The following CCDC201 variants were observed in gnomAD, a reference collection of about 807,000 sequenced individuals.
CCDC201 encodes coiled-coil domain-containing protein 201.
chr7:45,869,021 T>C lies in CCDC201; in HGVS notation c.19-2527A>G, dbSNP rs144354781. ...AACTTAGGTATCTGCATAAATGGAA[T>C]CATAATACACATTGTTACATAGTTT... On this transcript the variant is annotated intron_variant, in intron 1 of 2. Coordinates refer to ENST00000636578, the Ensembl canonical transcript of CCDC201. Among the ~76,000 whole-genome samples, 743 of 152,358 alleles carry C rather than the reference T, an allele frequency of 4.9e-3. 14 individuals are homozygous for C. The highest frequency in any genetic ancestry group is 0.017 in the African/African-American group (688 of 41,588).
chr7:45,876,720 G>A (rs1786813030), upstream of CCDC201, among the ~76,000 whole-genome samples: 1 of 152,230 alleles, frequency 6.6e-6, no homozygotes, highest in Admixed American at 6.5e-5. Flanking sequence ...GTGTTAGCCT[G>A]GCACTGGGTG....
At chr7:45,873,267 C>T (rs1016428735), upstream of CCDC201, among the ~76,000 whole-genome samples, 9 of 139,546 alleles carry the variant, frequency 6.4e-5, no homozygotes, top group East Asian at 1.3e-3. Flanking sequence ...TGGGCACTTG[C>T]GCCCCACCCC....
intron 1 of CCDC201, among the ~76,000 whole-genome samples, chr7:45,868,281 C>T (rs1786701710): frequency 1.3e-5 from 2 of 152,100 alleles, no homozygotes; most frequent in Non-Finnish European, 2.9e-5. Context: ...AGTTGAGTGT[C>T]CTCCAGATAC....
chr7:45,872,489 G>A (rs1333386418), intron 1 of CCDC201, among the ~76,000 whole-genome samples: 1 of 152,196 alleles, frequency 6.6e-6, no homozygotes. Context: ...TTCCCTAAGG[G>A]CTGTGGCTAA....
At chr7:45,877,139 G>A (rs1786820554), upstream of CCDC201, among the ~76,000 whole-genome samples, 1 of 152,208 alleles carries the variant, frequency 6.6e-6, no homozygotes, top group Non-Finnish European at 1.5e-5. Flanking sequence ...CCTCAAGACA[G>A]TGTGTGGCAT....
At chr7:45,877,327 G>A (rs114521810), upstream of CCDC201, among the ~76,000 whole-genome samples, 606 of 152,274 alleles carry the variant, frequency 4.0e-3, 5 homozygotes, top group African/African-American at 0.014. Flanking sequence ...CAACCAGTGT[G>A]CTCTAGGTTT....
intron 1 of CCDC201, among the ~76,000 whole-genome samples, chr7:45,867,348 C>T (rs558540048): frequency 6.6e-6 from 1 of 152,258 alleles, no homozygotes; most frequent in African/African-American, 2.4e-5. Context: ...TATGTTTAAT[C>T]CCACTTGAAT....
Position 45,864,057 on chromosome 7 carries a change from C to G in CCDC201, c.478-886G>C, listed in dbSNP as rs142013641. ...AGCGAATTCCCAGTGCCCCTCCCTACCCGAGGCAGGGGCTGCCTTCCTGGT... is the reference window on the plus strand; with the variant it reads ...AGCGAATTCCCAGTGCCCCTCCCTAGCCGAGGCAGGGGCTGCCTTCCTGGT... On this transcript the variant is annotated intron_variant, in intron 2 of 2. Coordinates refer to ENST00000636578, the Ensembl canonical transcript of CCDC201. Among the ~76,000 whole-genome samples the G allele has an allele frequency of 1.2e-3, 178 of 152,294 alleles. No homozygotes were observed. In the Middle Eastern group the frequency reaches 0.017, roughly 15 times the overall value.
the CCDC201 span, among the ~76,000 whole-genome samples, chr7:45,884,193 T>A: frequency 6.6e-6 from 1 of 152,162 alleles, no homozygotes; most frequent in African/African-American, 2.4e-5. Context: ...CTCAAACTCC[T>A]GGGCTTAAGT....
At chr7:45,882,726 T>TAGTG in the CCDC201 span, among the ~76,000 whole-genome samples, 3 of 152,246 alleles carry the variant, frequency 2.0e-5, no homozygotes, top group Admixed American at 1.3e-4. Context: ...TCTGAATCAC[T>TAGTG]GATAGTGGTT....
intron 2 of CCDC201, among the ~76,000 whole-genome samples, chr7:45,864,330 T>C (rs1299629178): frequency 6.6e-6 from 1 of 152,186 alleles, no homozygotes; most frequent in African/African-American, 2.4e-5. Flanking sequence ...ACATGGGTTG[T>C]TCCCCACAAG....
exon 3 of CCDC201, chr7:45,860,642 C>A (rs896199443): frequency 6.6e-6 from 1 of 152,166 alleles, no homozygotes; most frequent in Non-Finnish European, 1.5e-5. Context: ...CTCATTTCTC[C>A]GTGTCCCTCA....
chr7:45,881,499 G>A, the CCDC201 span, among the ~76,000 whole-genome samples: 1 of 152,120 alleles, frequency 6.6e-6, no homozygotes, highest in Non-Finnish European at 1.5e-5. Flanking sequence ...GTCTGGGGTT[G>A]GTGTAGGGCC....
chr7:45,868,043 G>A (rs999683151), intron 1 of CCDC201, among the ~76,000 whole-genome samples: 4 of 152,210 alleles, frequency 2.6e-5, no homozygotes, highest in Non-Finnish European at 5.9e-5. Flanking sequence ...ACAGACATCT[G>A]TAATTGTAAT....
chr7:45,861,993 T>C (rs1260614847), exon 3 of CCDC201: 1 of 152,276 alleles, frequency 6.6e-6, no homozygotes, highest in African/African-American at 2.4e-5. Flanking sequence ...GATGCTGACT[T>C]TGGGTTAAAC....
the CCDC201 span, among the ~76,000 whole-genome samples, chr7:45,881,263 C>T: frequency 6.6e-6 from 1 of 152,128 alleles, no homozygotes; most frequent in Non-Finnish European, 1.5e-5. Context: ...CCCTCCACCA[C>T]CCAGGCCCTC....
the CCDC201 span, among the ~76,000 whole-genome samples, chr7:45,882,622 T>C: frequency 1.2e-4 from 18 of 152,180 alleles, no homozygotes; most frequent in Non-Finnish European, 2.5e-4. Context: ...TGAAGTGCCA[T>C]CAAATTGCTG....
intron 1 of CCDC201, among the ~76,000 whole-genome samples, chr7:45,870,809 C>T (rs531192438): frequency 5.3e-5 from 8 of 152,202 alleles, no homozygotes; most frequent in African/African-American, 1.7e-4. Context: ...AAACCAACAA[C>T]AACAAAATCA....
intron 1 of CCDC201, among the ~76,000 whole-genome samples, chr7:45,871,275 G>GA (rs1562790653): frequency 6.6e-6 from 1 of 150,928 alleles, no homozygotes; most frequent in East Asian, 1.9e-4. Flanking sequence ...GGCCACTTGG[G>GA]AAAAAAATAA....
Sources: allele counts gnomAD v4.1 joint callset (sites outside exome capture counted in the v4.1 genomes callset), GRCh38; gene constraint gnomAD v4.1.1; transcripts MANE v1.5; gene names NCBI Gene and HGNC (gene_info 2026-07-23, HGNC 2026-07-21).